Variants in SNTG2 observed in about 807,000 individuals in gnomAD.
SNTG2 encodes syntrophin gamma 2, also known as gamma-2-syntrophin.
A neutral mutation model predicts 70.9 loss-of-function variants in SNTG2; 74 were observed. The ratio of observed to expected loss-of-function variants is 1.04; its 90% CI spans 0.86 to 1.27. The LOEUF (loss-of-function observed/expected upper bound fraction) is 1.27, where lower values mean the gene tolerates loss of function less well. Among genes scored for constraint, SNTG2 ranks in the 50% most tolerant of loss-of-function variants. SNTG2 has a pLI of 0.00. For missense variants in SNTG2, 717 were observed against 690.7 expected (o/e 1.04, Z -0.43); for synonymous variants, 278 against 273.8 (o/e 1.02, Z -0.15).
rs1660682762 is a variant in SNTG2, at chr2:1,353,343, C to G, written c.1489-14000C>G. ...TAAACATAAGGAAGTGCCTGGGGCC[C>G]TGGCTTGGACTCTCTGCAGCACCGC... On this transcript the variant is annotated intron_variant, in intron 16 of 16. Transcript: ENST00000308624. This position sits in a 1 kb window ranked among gnomAD's most constrained non-coding sequence, Gnocchi z 4.2. Among the ~76,000 whole-genome samples, 1 of 152,186 alleles carries G rather than the reference C, an allele frequency of 6.6e-6. No individual in the cohort carries two copies. Among genetic ancestry groups the G allele is most frequent in the African/African-American group, 2.4e-5 (1 of 41,448 alleles).
chr2:1,019,696 A>G (rs1660050034), intron 1 of SNTG2, among the ~76,000 whole-genome samples: 1 of 152,222 alleles, frequency 6.6e-6, no homozygotes, highest in Non-Finnish European at 1.5e-5. Flanking sequence ...AGGCAGTTTT[A>G]GCTGAGGGAT....
At chr2:1,309,957 G>A (rs60404666) in intron 15 of SNTG2, among the ~76,000 whole-genome samples, 2,512 of 152,254 alleles carry the variant, frequency 0.016, 66 homozygotes, top group African/African-American at 0.057. Flanking sequence ...TTATTTGGAA[G>A]CCAGTTCTTC....
intron 13 of SNTG2, among the ~76,000 whole-genome samples, chr2:1,262,666 CAGT>C (rs1678482955): frequency 1.3e-5 from 2 of 152,096 alleles, no homozygotes; most frequent in South Asian, 2.1e-4. Context: ...CCGGAAGGCT[CAGT>C]CCAGACGAGG....
intron 8 of SNTG2, among the ~76,000 whole-genome samples, chr2:1,182,650 G>C (rs1001456172): frequency 6.6e-6 from 1 of 152,212 alleles, no homozygotes; most frequent in Admixed American, 6.5e-5. Context: ...CAGTGAAGTA[G>C]GTGACTCTGA....
intron 16 of SNTG2, among the ~76,000 whole-genome samples, chr2:1,354,514 T>G (rs1359302127): frequency 5.2e-4 from 30 of 57,510 alleles, no homozygotes; most frequent in Non-Finnish European, 5.9e-4. Context: ...GAGCCTCCGC[T>G]TTCTCATCTG....
intron 16 of SNTG2, among the ~76,000 whole-genome samples, chr2:1,366,433 T>A (rs1237914760): frequency 6.6e-6 from 1 of 152,204 alleles, no homozygotes. Flanking sequence ...ACACAGGGAC[T>A]TTATGTGGGG....
At chr2:1,244,206 C>G (rs1168096004) in intron 11 of SNTG2, among the ~76,000 whole-genome samples, 2 of 152,212 alleles carry the variant, frequency 1.3e-5, no homozygotes, top group Admixed American at 1.3e-4. Flanking sequence ...TTTAAAGACT[C>G]TCAGACCACG....
chr2:1,188,545 AAT>A (rs1434377521), intron 8 of SNTG2, among the ~76,000 whole-genome samples: 4 of 152,190 alleles, frequency 2.6e-5, no homozygotes, highest in Admixed American at 1.3e-4. Flanking sequence ...GAAGGAATTC[AAT>A]ATATATACAA....
At chr2:965,175 A>G (rs1225706813) in intron 1 of SNTG2, among the ~76,000 whole-genome samples, 20 of 98,846 alleles carry the variant, frequency 2.0e-4, no homozygotes, top group South Asian at 4.1e-4. Context: ...TTGGACCCCA[A>G]TCCTCCTCCT....
intron 9 of SNTG2, among the ~76,000 whole-genome samples, chr2:1,214,786 G>A (rs1001797273): frequency 6.6e-6 from 1 of 152,146 alleles, no homozygotes; most frequent in Non-Finnish European, 1.5e-5. Flanking sequence ...TAGATGTGGT[G>A]AGAGTGCACA....
intron 16 of SNTG2, among the ~76,000 whole-genome samples, chr2:1,349,124 C>T (rs1474161419): frequency 6.6e-6 from 1 of 152,218 alleles, no homozygotes; most frequent in Non-Finnish European, 1.5e-5. Flanking sequence ...ATGGGAACTG[C>T]TGATTGGCTG....
At chr2:996,210 A>T (rs1661676624) in intron 1 of SNTG2, among the ~76,000 whole-genome samples, 4 of 152,274 alleles carry the variant, frequency 2.6e-5, no homozygotes, top group Admixed American at 2.6e-4. Flanking sequence ...GTTAAAATAG[A>T]TTAATTTAAA....
At chr2:985,001 G>A (rs923819346) in intron 1 of SNTG2, among the ~76,000 whole-genome samples, 1 of 152,158 alleles carries the variant, frequency 6.6e-6, no homozygotes, top group Non-Finnish European at 1.5e-5. Flanking sequence ...TGCTGGGGGA[G>A]TTTTTCTGTG....
chr2:1,209,240 C>G lies in SNTG2; in HGVS notation c.719+10C>G. 2 of 1,613,812 alleles carry G rather than the reference C, an allele frequency of 1.2e-6. No individual in the cohort carries two copies. The highest frequency in any genetic ancestry group is 1.7e-6 in the Non-Finnish European group (2 of 1,179,816). On this transcript the variant is annotated intron_variant, in intron 9 of 16. Coordinates refer to ENST00000308624, the MANE Select transcript of SNTG2 (RefSeq NM_018968.4). ...GAACGGAAAAATTAAGGTGTGTGAC[C>G]ATTGTCTGAGATGGGAAACTTTGAT... is the stretch of plus-strand genomic sequence containing the variant.
intron 9 of SNTG2, among the ~76,000 whole-genome samples, chr2:1,223,724 G>T (rs929632383): frequency 3.9e-5 from 6 of 152,212 alleles, no homozygotes; most frequent in Admixed American, 1.3e-4. Context: ...GGATGGAGAA[G>T]GTTTTAAAGG....
chr2:1,155,991 G>A (rs1268698167), intron 6 of SNTG2, among the ~76,000 whole-genome samples: 1 of 152,168 alleles, frequency 6.6e-6, no homozygotes, highest in Non-Finnish European at 1.5e-5. Flanking sequence ...GCCAGGCCAG[G>A]CCAGGCCAGG....
At chr2:970,115 A>G (rs1660688996) in intron 1 of SNTG2, among the ~76,000 whole-genome samples, 1 of 152,152 alleles carries the variant, frequency 6.6e-6, no homozygotes, top group Admixed American at 6.5e-5. Flanking sequence ...ATCTATTGAG[A>G]TGATCATGTG....
intron 1 of SNTG2, among the ~76,000 whole-genome samples, chr2:1,055,999 T>G (rs1268619503): frequency 6.6e-6 from 1 of 151,974 alleles, no homozygotes; most frequent in African/African-American, 2.4e-5. Context: ...TCGCGGGGAC[T>G]GCAGCTTCAT....
intron 6 of SNTG2, among the ~76,000 whole-genome samples, chr2:1,152,577 T>C (rs1572578090): frequency 1.5e-4 from 1 of 6,458 alleles, no homozygotes; most frequent in South Asian, 5.7e-3. Context: ...CACATGTGCA[T>C]GTGTGTGTGT....
Sources: allele counts gnomAD v4.1 joint callset (sites outside exome capture counted in the v4.1 genomes callset), GRCh38; gene constraint gnomAD v4.1.1; non-coding constraint Gnocchi (gnomAD v3.1); transcripts MANE v1.5; gene names NCBI Gene and HGNC (gene_info 2026-07-23, HGNC 2026-07-21).